The following TMEM178B variants were observed in gnomAD, a reference collection of about 807,000 sequenced individuals.
The protein encoded by TMEM178B is transmembrane protein 178B.
In TMEM178B, 5 loss-of-function variants were observed where a neutral mutation model predicts 31.0. That is an observed-to-expected ratio of 0.16 (90% confidence interval 0.08 to 0.34). The LOEUF (loss-of-function observed/expected upper bound fraction) is 0.34. Among genes scored for constraint, TMEM178B ranks in the 10% least tolerant of loss-of-function variants. TMEM178B has a pLI of 1.00. For missense variants in TMEM178B, 275 were observed against 400.3 expected (o/e 0.69, Z 2.67); for synonymous variants, 164 against 164.0 (o/e 1.00, Z 0.00).
chr7:141,178,269 C>T (rs971848358), intron 1 of TMEM178B, among the ~76,000 whole-genome samples: 1 of 151,994 alleles, frequency 6.6e-6, no homozygotes, highest in Non-Finnish European at 1.5e-5. Flanking sequence ...GAATATTGGC[C>T]CCCACAAAAA....
chr7:141,399,359 G>A lies in TMEM178B; in HGVS notation c.497-38249G>A, dbSNP rs185311100. Among the ~76,000 whole-genome samples the A allele has an allele frequency of 2.0e-5, 3 of 152,356 alleles. No individual in the cohort carries two copies. The East Asian group carries it at 5.8e-4, about 29-fold the overall frequency. ...TTGCTAGCGTAAGCACTGTGGGGAA[G>A]CTAGTGGGAAATATGGAGGGTGGTG... is the stretch of plus-strand genomic sequence containing the variant. On this transcript the variant is annotated intron_variant, in intron 2 of 3. Transcript: ENST00000565468.
intron 1 of TMEM178B, among the ~76,000 whole-genome samples, chr7:141,189,423 C>T (rs1796662653): frequency 6.6e-6 from 1 of 152,142 alleles, no homozygotes; most frequent in Admixed American, 6.5e-5. Context: ...GGCAGAGCAG[C>T]AGGAATGTAA....
intron 1 of TMEM178B, among the ~76,000 whole-genome samples, chr7:141,119,450 T>C (rs1795374135): frequency 6.6e-6 from 1 of 152,164 alleles, no homozygotes. Context: ...CTACTGCCCT[T>C]CCTCAGACTA....
At chr7:141,216,474 TGG>T (rs71876951) in intron 2 of TMEM178B, among the ~76,000 whole-genome samples, 1,510 of 77,742 alleles carry the variant, frequency 0.019, 56 homozygotes, top group Non-Finnish European at 0.029. Flanking sequence ...TGTGTGTGTG[TGG>T]GTGTGTGGTG....
intron 3 of TMEM178B, among the ~76,000 whole-genome samples, chr7:141,454,600 C>T (rs953939781): frequency 1.4e-5 from 2 of 147,648 alleles, no homozygotes; most frequent in African/African-American, 2.5e-5. Context: ...TCTCTCTCCT[C>T]TCCTTCCTCT....
At chr7:141,137,175 T>C (rs889931243) in intron 1 of TMEM178B, among the ~76,000 whole-genome samples, 1 of 152,124 alleles carries the variant, frequency 6.6e-6, no homozygotes, top group Middle Eastern at 3.2e-3. Flanking sequence ...AAACTTAAAA[T>C]AGAACTACTA....
chr7:141,402,128 C>G (rs1312208849), intron 2 of TMEM178B, among the ~76,000 whole-genome samples: 1 of 152,188 alleles, frequency 6.6e-6, no homozygotes, highest in East Asian at 1.9e-4. Context: ...GTCCTGCCCT[C>G]CGGAGGACCC....
At chr7:141,243,239 C>G (rs989688463) in intron 2 of TMEM178B, among the ~76,000 whole-genome samples, 2 of 152,024 alleles carry the variant, frequency 1.3e-5, no homozygotes, top group African/African-American at 2.4e-5. Context: ...GCCTGGGACT[C>G]TGTGTGTGGT....
At chr7:141,255,652 T>TA (rs1299253553) in intron 2 of TMEM178B, among the ~76,000 whole-genome samples, 9 of 152,078 alleles carry the variant, frequency 5.9e-5, no homozygotes, top group Non-Finnish European at 1.2e-4. Context: ...TTTCTAGTTT[T>TA]TTTTTTCAGG....
intron 1 of TMEM178B, among the ~76,000 whole-genome samples, chr7:141,182,664 A>G (rs1796549415): frequency 6.6e-6 from 1 of 152,112 alleles, no homozygotes; most frequent in Admixed American, 6.5e-5. Flanking sequence ...CTTGAACTGT[A>G]GTAATCCCCA....
intron 2 of TMEM178B, among the ~76,000 whole-genome samples, chr7:141,428,820 A>G (rs1801369160): frequency 6.6e-6 from 1 of 152,142 alleles, no homozygotes; most frequent in South Asian, 2.1e-4. Context: ...ACTTTTCACT[A>G]AACTCTCACT....
chr7:141,185,891 A>G (rs1377391554), intron 1 of TMEM178B, among the ~76,000 whole-genome samples: 1 of 152,108 alleles, frequency 6.6e-6, no homozygotes, highest in Non-Finnish European at 1.5e-5. Flanking sequence ...AGCTGATATT[A>G]AATGCCTCAA....
intron 2 of TMEM178B, among the ~76,000 whole-genome samples, chr7:141,242,477 AGTGTGTGTGTGTGTGTGT>A (rs66723569): frequency 7.1e-6 from 1 of 140,444 alleles, no homozygotes; most frequent in African/African-American, 2.6e-5. Context: ...ACTTTGTGTG[AGTGTGTGTGTGTGTGTGT>A]GTGTGTGTGT....
intron 2 of TMEM178B, among the ~76,000 whole-genome samples, chr7:141,381,896 T>C (rs1800323244): frequency 6.6e-6 from 1 of 152,208 alleles, no homozygotes; most frequent in Admixed American, 6.5e-5. Flanking sequence ...GAGATCCATT[T>C]GTTCATGCCA....
chr7:141,324,862 C>T (rs1799162536), intron 2 of TMEM178B, among the ~76,000 whole-genome samples: 1 of 151,994 alleles, frequency 6.6e-6, no homozygotes, highest in Admixed American at 6.6e-5. Context: ...AAAAACAGGG[C>T]CTTTTGTTTC....
At chr7:141,482,625 C>T (rs932622886), downstream of TMEM178B, among the ~76,000 whole-genome samples, 8 of 152,144 alleles carry the variant, frequency 5.3e-5, no homozygotes, top group African/African-American at 1.7e-4. Flanking sequence ...AGACCACGCT[C>T]GGATTCAATG....
At chr7:141,488,412 A>G in the TMEM178B span, among the ~76,000 whole-genome samples, 14 of 152,042 alleles carry the variant, frequency 9.2e-5, no homozygotes, top group Non-Finnish European at 1.8e-4. Context: ...TGGATATTGC[A>G]TGGCTTGGAA....
chr7:141,160,877 G>A (rs1045898752), intron 1 of TMEM178B, among the ~76,000 whole-genome samples: 10 of 151,960 alleles, frequency 6.6e-5, no homozygotes, highest in African/African-American at 2.4e-4. Context: ...GTTTTTTTGA[G>A]ACGGAGTTTT....
intron 2 of TMEM178B, among the ~76,000 whole-genome samples, chr7:141,425,001 G>A (rs957552120): frequency 6.6e-6 from 1 of 152,186 alleles, no homozygotes; most frequent in Non-Finnish European, 1.5e-5. Context: ...GTTACTGGCT[G>A]TGTGACCTTG....
Sources: allele counts gnomAD v4.1 joint callset (sites outside exome capture counted in the v4.1 genomes callset), GRCh38; gene constraint gnomAD v4.1.1; transcripts MANE v1.5; gene names NCBI Gene and HGNC (gene_info 2026-07-23, HGNC 2026-07-21).